PAWR: variants seen among roughly 807,000 people sequenced by gnomAD.
The protein encoded by PAWR is PRKC apoptosis WT1 regulator protein.
A neutral mutation model predicts 32.0 loss-of-function variants in PAWR; 23 were observed. That is an observed-to-expected ratio of 0.72 (90% CI 0.52 to 1.02). PAWR has a LOEUF of 1.02. Ranked by LOEUF, PAWR falls within the 50% of genes least tolerant of loss-of-function variation. The probability of loss-of-function intolerance (pLI) is 0.00; values close to 1 mark genes in which losing one functional copy is unlikely to be tolerated. For missense variants in PAWR, 457 were observed against 437.7 expected (o/e 1.04, Z -0.39); for synonymous variants, 226 against 187.1 (o/e 1.21, Z -1.70).
At chr12:79,638,436 C>T (rs1876072905) in intron 2 of PAWR, among the ~76,000 whole-genome samples, 2 of 152,020 alleles carry the variant, frequency 1.3e-5, no homozygotes, top group South Asian at 4.1e-4. Flanking sequence ...CCTTTTAATT[C>T]TGTTTAATTT....
At chr12:79,604,449 T>G (rs941264844) in intron 4 of PAWR, 1 of 1,059,856 alleles carries the variant, frequency 9.4e-7, no homozygotes, top group Admixed American at 5.5e-5. Flanking sequence ...ATTGGCAGCA[T>G]TAAGAGATTA....
At position 79,587,150 on chromosome 12, in the gene PAWR, T is replaced by C. The variant is rs570295154; in HGVS notation, c.*5457A>G. 1 of 152,244 alleles carries C rather than the reference T, an allele frequency of 6.6e-6. No individual in the cohort carries two copies. The highest frequency in any genetic ancestry group is 1.9e-4 in the East Asian group (1 of 5,190). The allele number at this position is 152,244 out of a possible 1,614,324, so 9.4% of individuals were successfully genotyped here. A position where few individuals can be genotyped will look rare whatever the true frequency, so the allele number is the denominator to read the frequency against. ...AAAGGTTCCATTTCATGTAAGATTATGTGACCTTGGAAAAATTTACTGGCT... is the reference window on the plus strand; with the variant it reads ...AAAGGTTCCATTTCATGTAAGATTACGTGACCTTGGAAAAATTTACTGGCT... On this transcript the variant is annotated 3_prime_UTR_variant, in exon 7 of 7. Coordinates refer to ENST00000328827, the MANE Select transcript of PAWR (RefSeq NM_002583.4).
chr12:79,660,747 C>A (rs1040007666), intron 2 of PAWR, among the ~76,000 whole-genome samples: 1 of 151,808 alleles, frequency 6.6e-6, no homozygotes, highest in African/African-American at 2.4e-5. Flanking sequence ...CCAGGCCCAG[C>A]TAATTTTTGT....
At position 79,653,270 on chromosome 12, in the gene PAWR, A is replaced by G. The variant is rs544633479; in HGVS notation, c.517-32063T>C. Among the ~76,000 whole-genome samples, 12 of 152,270 alleles carry G rather than the reference A, an allele frequency of 7.9e-5. No homozygotes were observed. In the South Asian group the frequency reaches 2.1e-3, roughly 26 times the overall value. ...AGGCTGGTCTTGAACTCCTGACCCC[A>G]GGTGATCCACCGGCCTTGGCTTCCC... On this transcript the variant is annotated intron_variant, in intron 2 of 6. Transcript: ENST00000328827.
chr12:79,652,167 T>C (rs998316833), intron 2 of PAWR, among the ~76,000 whole-genome samples: 6 of 152,142 alleles, frequency 3.9e-5, no homozygotes, highest in Admixed American at 3.3e-4. Context: ...AGATGGATAA[T>C]GGTGATGGTT....
chr12:79,645,110 C>T (rs1359268181), intron 2 of PAWR, among the ~76,000 whole-genome samples: 2 of 150,930 alleles, frequency 1.3e-5, no homozygotes, highest in Admixed American at 6.6e-5. Flanking sequence ...AGCTTCTAAT[C>T]GGACTCCAAG....
intron 2 of PAWR, among the ~76,000 whole-genome samples, chr12:79,684,448 T>C (rs556993091): frequency 1.8e-3 from 269 of 152,074 alleles, no homozygotes; most frequent in African/African-American, 5.8e-3. Flanking sequence ...CCATCTCTAC[T>C]AAAAATACAA....
At chr12:79,688,738 T>C (rs1005802057) in intron 2 of PAWR, among the ~76,000 whole-genome samples, 2 of 152,082 alleles carry the variant, frequency 1.3e-5, no homozygotes, top group Non-Finnish European at 1.5e-5. Context: ...TAAACCACAA[T>C]TAAAGTTGAG....
At chr12:79,632,689 A>T (rs1875766796) in intron 2 of PAWR, among the ~76,000 whole-genome samples, 1 of 151,806 alleles carries the variant, frequency 6.6e-6, no homozygotes, top group Non-Finnish European at 1.5e-5. Flanking sequence ...TTTAATTTTT[A>T]GCAAAGATGT....
intron 2 of PAWR, among the ~76,000 whole-genome samples, chr12:79,671,098 G>A (rs1250386545): frequency 6.9e-6 from 1 of 143,914 alleles, no homozygotes; most frequent in African/African-American, 2.6e-5. Flanking sequence ...AGTCTAGCCT[G>A]GGCAAAAAGC....
intron 4 of PAWR, among the ~76,000 whole-genome samples, chr12:79,607,161 C>T (rs1043211486): frequency 4.6e-5 from 7 of 152,142 alleles, no homozygotes; most frequent in African/African-American, 1.4e-4. Flanking sequence ...TGGTGGCTCA[C>T]GCCTGTAATC....
At chr12:79,653,626 T>C (rs940607773) in intron 2 of PAWR, among the ~76,000 whole-genome samples, 16 of 152,124 alleles carry the variant, frequency 1.1e-4, no homozygotes, top group African/African-American at 3.9e-4. Context: ...ATTACAGGCA[T>C]GCGCCACCAC....
chr12:79,612,583 T>G (rs1045018656), intron 4 of PAWR, among the ~76,000 whole-genome samples: 4 of 152,126 alleles, frequency 2.6e-5, no homozygotes, highest in Non-Finnish European at 2.9e-5. Context: ...CCAGAAAAAT[T>G]ATTCTACTTA....
chr12:79,612,538 A>C (rs1244037245), intron 4 of PAWR, among the ~76,000 whole-genome samples: 2 of 152,170 alleles, frequency 1.3e-5, no homozygotes, highest in Non-Finnish European at 2.9e-5. Flanking sequence ...GCCAGAGTTC[A>C]AATCCAGAAT....
intron 4 of PAWR, chr12:79,603,788 C>T (rs1345135967): frequency 6.6e-6 from 1 of 150,764 alleles, no homozygotes; most frequent in Admixed American, 6.7e-5. Flanking sequence ...GATTCTCCTG[C>T]CTCCGCCTCC....
chr12:79,689,840 C>T lies in PAWR; in HGVS notation c.405G>A (p.Glu135=), dbSNP rs761496624. 4 of 1,589,728 alleles carry T rather than the reference C, an allele frequency of 2.5e-6. No individual in the cohort carries two copies. The highest frequency in any genetic ancestry group is 2.3e-5 in the South Asian group (2 of 87,338). Residue 135 remains glutamate, a synonymous_variant, in exon 2 of 7, where the codon GAG becomes GAA. Transcript: ENST00000328827. The part of the protein sequence containing the change: ...RDEEEPDGVP[E]KGKSSGPSAR... ...CACTGGGGCCCGAGCTCTTGCCCTTCTCTGGGACGCCGTCCGGCTCCTCCT... is the reference window on the plus strand; with the variant it reads ...CACTGGGGCCCGAGCTCTTGCCCTTTTCTGGGACGCCGTCCGGCTCCTCCT...
Position 79,621,141 on chromosome 12 carries a change from G to C in PAWR, c.583C>G (p.Gln195Glu), listed in dbSNP as rs1436348342. Reference protein sequence around the residue: ...KERKREDAITQQNTIQNEAVN... With the variant: ...KERKREDAITEQNTIQNEAVN... ...GCTTCATTCTGAATAGTGTTCTGTT[G>C]TGTAATTGCATCTTCTCGTTTCCGC... Residue 195 changes from glutamine (Q) to glutamate (E), a missense_variant, in exon 3 of 7, where the codon CAA becomes GAA. Physicochemically the swap from Gln to Glu is conservative, Grantham distance 29 (BLOSUM62 2). Coordinates refer to ENST00000328827, the MANE Select transcript of PAWR (RefSeq NM_002583.4). 6.2e-7 allele frequency: 1 copy of C among 1,608,382 alleles called. No individual in the cohort carries two copies.
intron 4 of PAWR, 145 bp downstream of exon 4, chr12:79,613,430 T>C: frequency 2.4e-6 from 1 of 420,340 alleles, no homozygotes; most frequent in Non-Finnish European, 4.3e-6. Context: ...ATGATACTCC[T>C]GCTTACAATA....
intron 2 of PAWR, chr12:79,635,756 T>C (rs1592519327): frequency 2.6e-5 from 4 of 152,170 alleles, no homozygotes; most frequent in African/African-American, 7.2e-5. Context: ...CAAAAAAAGT[T>C]TGAAAGCCAC....
Sources: allele counts gnomAD v4.1 joint callset (sites outside exome capture counted in the v4.1 genomes callset), GRCh38; gene constraint gnomAD v4.1.1; transcripts MANE v1.5; gene names NCBI Gene and HGNC (gene_info 2026-07-23, HGNC 2026-07-21).